The following NUP88 variants were observed in gnomAD, a reference collection of about 807,000 sequenced individuals.
NUP88 encodes the protein nuclear pore complex protein Nup88.
A neutral mutation model predicts 93.9 loss-of-function variants in NUP88; 57 were observed. The ratio of observed to expected loss-of-function variants is 0.61; its 90% CI spans 0.49 to 0.76. The LOEUF is 0.76. NUP88 is among the 30% of genes least tolerant of loss of function. The pLI is 0.00. For synonymous variants in NUP88, 346 were observed against 336.8 expected (o/e 1.03, Z -0.30); for missense variants, 911 against 901.0 (o/e 1.01, Z -0.14).
Position 5,391,646 on chromosome 17 carries a change from G to T in NUP88, c.1399C>A (p.Arg467=). ...PLPCRQPAPI[R]GFWIVPDILG... ...ATGTCAGGTACAATCCAAAATCCTC[G>T]AATTGGAGCTGGCTGCCTGGAAAAA... The change falls in exon 10 of 17, where the codon CGA becomes AGA. Residue 467 remains arginine, a synonymous_variant. Coordinates refer to ENST00000573584, the MANE Select transcript of NUP88 (RefSeq NM_002532.6). The T allele has an allele frequency of 1.9e-6, 3 of 1,613,754 alleles. No homozygotes were observed. The highest frequency in any genetic ancestry group is 2.5e-6 in the Non-Finnish European group (3 of 1,179,722).
intron 8 of NUP88, among the ~76,000 whole-genome samples, chr17:5,396,002 G>A (rs910014118): frequency 6.6e-6 from 1 of 152,084 alleles, no homozygotes; most frequent in African/African-American, 2.4e-5. Flanking sequence ...CCCGAGGTCA[G>A]GAGTTCAAGA....
chr17:5,386,925 T>G, intron 15 of NUP88, 59 bp downstream of exon 15: 1 of 1,600,880 alleles, frequency 6.2e-7, no homozygotes, highest in African/African-American at 1.3e-5. Context: ...TAAAATTTTC[T>G]GTAGAATAAG....
chr17:5,399,543 TA>T lies in NUP88; in HGVS notation c.1291+8del. 1 of 1,475,290 alleles carries T rather than the reference TA, an allele frequency of 6.8e-7. No homozygotes were observed. Among genetic ancestry groups the T allele is most frequent in the Non-Finnish European group, 9.4e-7 (1 of 1,058,896 alleles). The allele number at this position is 1,475,290 out of a possible 1,614,324, so 91.4% of individuals were successfully genotyped here. A position where few individuals can be genotyped will look rare whatever the true frequency, so the allele number is the denominator to read the frequency against. ...ATCTATTAAAAGTGCAGAGAGTTAG[TA>T]AACTCACCTGATCCAAGAAATTTGT... is the stretch of plus-strand genomic sequence containing the variant. On this transcript the variant is annotated splice_region_variant and intron_variant, in intron 8 of 16. Transcript: ENST00000573584.
At position 5,414,045 on chromosome 17, in the gene NUP88, G is replaced by A; in HGVS notation, c.557C>T (p.Pro186Leu). The A allele has an allele frequency of 6.2e-7, 1 of 1,613,924 alleles. No individual in the cohort carries two copies. The highest frequency in any genetic ancestry group is 8.5e-7 in the Non-Finnish European group (1 of 1,179,850). Residue 186 changes from proline (P) to leucine (L), a missense_variant, in exon 3 of 17, where the codon CCC (proline) becomes CTC (leucine). Coordinates refer to ENST00000573584, the MANE Select transcript of NUP88 (RefSeq NM_002532.6). Reference sequence around the variant, plus strand: ...GTCTGATGTTAACAGCACTACGTGGGGATCCAGGATTTCACTTGGATACCA... The same window carrying A: ...GTCTGATGTTAACAGCACTACGTGGAGATCCAGGATTTCACTTGGATACCA... ...AAWYPSEILD[P>L]HVVLLTSDNV...
chr17:5,403,972 T>TA (rs938439711), intron 7 of NUP88, 127 bp downstream of exon 7: 183 of 958,382 alleles, frequency 1.9e-4, no homozygotes, highest in African/African-American at 4.5e-4. Flanking sequence ...ACTAAAAAGC[T>TA]AAAAAAAACC....
chr17:5,416,832 ATTTT>A (rs11391160), intron 1 of NUP88, 150 bp from the exon 2 acceptor site: 53 of 389,094 alleles, frequency 1.4e-4, no homozygotes, highest in Non-Finnish European at 1.7e-4. Context: ...TAACTCACAA[ATTTT>A]TTTTTTTTTT....
chr17:5,416,188 T>TACACACACACACAC (rs149950508), intron 2 of NUP88, among the ~76,000 whole-genome samples: 1,294 of 126,020 alleles, frequency 0.01, 25 homozygotes, highest in East Asian at 0.025. Flanking sequence ...TATACACACA[T>TACACACACACACAC]ACACACACAC....
Position 5,387,480 on chromosome 17 carries a change from A to AGT in NUP88, c.1836-15_1836-14insAC. The AGT allele has an allele frequency of 6.2e-7, 1 of 1,613,380 alleles. No homozygotes were observed. The highest frequency in any genetic ancestry group is 8.5e-7 in the Non-Finnish European group (1 of 1,179,284). On this transcript the variant is annotated splice_polypyrimidine_tract_variant and intron_variant, in intron 13 of 16. Transcript: ENST00000573584. ...CGCAGACTTTTCCTAATGATGTAAGACACAAGAGACTCTTGAGGTCCACCC... is the reference window on the plus strand; with the variant it reads ...CGCAGACTTTTCCTAATGATGTAAGAGTCACAAGAGACTCTTGAGGTCCACCC...
intron 7 of NUP88, among the ~76,000 whole-genome samples, chr17:5,403,206 A>G (rs1445465800): frequency 3.3e-5 from 5 of 151,824 alleles, no homozygotes; most frequent in African/African-American, 1.2e-4. Context: ...TGCCAGGCGT[A>G]GTGGCTCACG....
At chr17:5,398,150 TGCC>T (rs58236133) in intron 8 of NUP88, among the ~76,000 whole-genome samples, 66,262 of 151,772 alleles carry the variant, frequency 0.44, 15,201 homozygotes, top group East Asian at 0.83. Flanking sequence ...TAACCTCAAG[TGCC>T]TCGGCCTCCA....
chr17:5,385,108 T>C lies in NUP88; in HGVS notation c.*1098A>G. The C allele has an allele frequency of 4.4e-6, 1 of 229,668 alleles. No homozygotes were observed. The highest frequency in any genetic ancestry group is 8.6e-6 in the Non-Finnish European group (1 of 115,834). The allele number at this position is 229,668 out of a possible 1,614,324, so 14.2% of individuals were successfully genotyped here. On this transcript the variant is annotated 3_prime_UTR_variant, in exon 17 of 17. Transcript: ENST00000573584. ...CACAATTAGGGAATGGTTAGTGGTC[T>C]CTACTGTGGCAAATGCCAACTGTTG... is the stretch of plus-strand genomic sequence containing the variant.
rs899517956 is a variant in NUP88 at position 5,405,608 on chromosome 17, T to C, written c.858-365A>G. On this transcript the variant is annotated intron_variant, in intron 5 of 16. Coordinates refer to ENST00000573584, the MANE Select transcript of NUP88 (RefSeq NM_002532.6). ...ACAATAATTCAGACCAAAATGTCAATAGTACAAAGGTTGAAAACCCTTGCC... is the reference window on the plus strand; with the variant it reads ...ACAATAATTCAGACCAAAATGTCAACAGTACAAAGGTTGAAAACCCTTGCC... Among the ~76,000 whole-genome samples the C allele has an allele frequency of 2.6e-5, 4 of 152,196 alleles. No individual in the cohort carries two copies. In the East Asian group the frequency reaches 5.8e-4, roughly 22 times the overall value.
rs771523386 is a variant in NUP88, at chr17:5,408,771, A to G, written c.819T>C (p.Asn273=). 4 of 1,612,134 alleles carry G rather than the reference A, an allele frequency of 2.5e-6. No homozygotes were observed. In the East Asian group the frequency reaches 6.7e-5, roughly 27 times the overall value. ...TGATGTATGTCAGGAAAGTCTCTCCATTTTCATATAAGATGTACAGTGGGT... is the reference window on the plus strand; with the variant it reads ...TGATGTATGTCAGGAAAGTCTCTCCGTTTTCATATAAGATGTACAGTGGGT... The part of the protein sequence containing the change: ...VAYPLYILYE[N]GETFLTYISL... The change falls in exon 5 of 17, where the codon AAT becomes AAC. Residue 273 remains asparagine (N), a synonymous_variant. Coordinates refer to ENST00000573584, the MANE Select transcript of NUP88 (RefSeq NM_002532.6).
At chr17:5,401,391 A>C (rs988134194) in intron 7 of NUP88, among the ~76,000 whole-genome samples, 33 of 150,966 alleles carry the variant, frequency 2.2e-4, no homozygotes, top group East Asian at 1.8e-3. Context: ...TCAAAAAAAA[A>C]CACAAAATAA....
chr17:5,395,126 G>A (rs138136065), intron 8 of NUP88, 145 bp from the exon 9 acceptor site: 403 of 601,610 alleles, frequency 6.7e-4, no homozygotes, highest in African/African-American at 6.7e-3. Context: ...ATAGGCATAC[G>A]CTTTCCCAGG....
At chr17:5,411,928 C>T (rs988899626) in intron 3 of NUP88, among the ~76,000 whole-genome samples, 1 of 152,156 alleles carries the variant, frequency 6.6e-6, no homozygotes, top group Non-Finnish European at 1.5e-5. Flanking sequence ...TAGGTTCCTA[C>T]AAGCGTTACT....
At chr17:5,388,738 GC>G in intron 11 of NUP88, 63 bp downstream of exon 11, 1 of 1,389,406 alleles carries the variant, frequency 7.2e-7, no homozygotes, top group Non-Finnish European at 9.9e-7. Flanking sequence ...CAGAAAGGAT[GC>G]ACAGTAATTC....
At chr17:5,411,441 G>C (rs1314403179) in intron 3 of NUP88, among the ~76,000 whole-genome samples, 8 of 152,060 alleles carry the variant, frequency 5.3e-5, no homozygotes. Flanking sequence ...GCACACACCT[G>C]TAATCCCAGC....
chr17:5,390,586 T>C (rs1912351751), intron 10 of NUP88, among the ~76,000 whole-genome samples: 1 of 152,216 alleles, frequency 6.6e-6, no homozygotes, highest in Admixed American at 6.5e-5. Context: ...TTGGTACTCA[T>C]ATTCCTACAT....
Sources: allele counts gnomAD v4.1 joint callset (sites outside exome capture counted in the v4.1 genomes callset), GRCh38; gene constraint gnomAD v4.1.1; transcripts MANE v1.5; gene names NCBI Gene and HGNC (gene_info 2026-07-23, HGNC 2026-07-21).